The following LAMC2 variants were observed in gnomAD, a reference collection of about 807,000 sequenced individuals.
LAMC2 encodes laminin subunit gamma-2.
A neutral mutation model predicts 140.2 loss-of-function variants in LAMC2; 97 were observed. The ratio of observed to expected loss-of-function variants is 0.69; its 90% CI spans 0.59 to 0.82. The LOEUF is 0.82. Ranked by LOEUF, LAMC2 falls within the 40% of genes least tolerant of loss-of-function variation. LAMC2 has a pLI of 0.00. For synonymous variants in LAMC2, 513 were observed against 540.2 expected, an observed-to-expected ratio of 0.95 and a Z score of 0.70; for missense variants, 1,402 against 1,476.1, an observed-to-expected ratio of 0.95 and a Z score of 0.82.
chr1:183,257,068 C>G, the LAMC2 span, among the ~76,000 whole-genome samples: 4 of 151,898 alleles, frequency 2.6e-5, no homozygotes, highest in Non-Finnish European at 5.9e-5. Context: ...GTGTCTTTAT[C>G]TGGCTTAGGT....
chr1:183,187,798 A>G (rs1442302955), intron 1 of LAMC2, among the ~76,000 whole-genome samples: 2 of 152,238 alleles, frequency 1.3e-5, no homozygotes, highest in Non-Finnish European at 2.9e-5. Flanking sequence ...TCTTGATTTG[A>G]AAAATGAGAA....
chr1:183,235,994 A>C (rs1315690319), intron 16 of LAMC2, among the ~76,000 whole-genome samples: 1 of 152,196 alleles, frequency 6.6e-6, no homozygotes, highest in Non-Finnish European at 1.5e-5. Flanking sequence ...CTGGTGTTTG[A>C]AGGGTGTGAA....
intron 22 of LAMC2, chr1:183,241,245 C>CAAAAAAAAAAAAAAAAAAGAAAAA (rs11318188): frequency 1.4e-6 from 1 of 704,470 alleles, no homozygotes; most frequent in Non-Finnish European, 1.7e-6. Flanking sequence ...AAGACTGTCT[C>CAAAAAAAAAAAAAAAAAAGAAAAA]AAAAAAAAAA....
chr1:183,224,274 A>G (rs1659561760), intron 7 of LAMC2, among the ~76,000 whole-genome samples: 2 of 152,108 alleles, frequency 1.3e-5, no homozygotes, highest in African/African-American at 4.8e-5. Context: ...ATAGGGGAGA[A>G]CTGGCAAGCA....
chr1:183,232,961 T>C, intron 14 of LAMC2, 104 bp downstream of exon 14: 1 of 1,050,224 alleles, frequency 9.5e-7, no homozygotes, highest in Non-Finnish European at 1.5e-6. Flanking sequence ...TCACTTTCTG[T>C]TTCTGATCTA....
At chr1:183,245,183 T>C (rs1660216056), downstream of LAMC2, among the ~76,000 whole-genome samples, 3 of 152,190 alleles carry the variant, frequency 2.0e-5, no homozygotes, top group South Asian at 4.2e-4. Flanking sequence ...ATCTTTTTCA[T>C]CAGCTATAAA....
intron 1 of LAMC2, among the ~76,000 whole-genome samples, chr1:183,201,467 A>G (rs1266375675): frequency 2.6e-5 from 4 of 151,628 alleles, no homozygotes; most frequent in African/African-American, 9.7e-5. Flanking sequence ...CCCTGCTTCC[A>G]CCCTCCCTAA....
chr1:183,239,831 T>G, intron 20 of LAMC2: 2 of 666,276 alleles, frequency 3.0e-6, no homozygotes, highest in Non-Finnish European at 5.2e-6. Flanking sequence ...GTCTGGCCGC[T>G]GACCTTCCTA....
intron 1 of LAMC2, among the ~76,000 whole-genome samples, chr1:183,191,364 A>C (rs1206133112): frequency 1.3e-5 from 2 of 152,208 alleles, no homozygotes; most frequent in African/African-American, 4.8e-5. Context: ...CTGGCCCAAG[A>C]AGCTGAGAAA....
In LAMC2 at chr1:183,226,981, G is replaced by A. The variant is rs536029441; in HGVS notation, c.1285+65G>A. The stretch of plus-strand genomic sequence containing the variant: ...ATGTGGAAGAGAGAGAGCTGTGTAA[G>A]AAAGACCATGGCTGAACTCACATCA... On this transcript the variant is annotated intron_variant, in intron 9 of 22. Transcript: ENST00000264144. The A allele has an allele frequency of 5.5e-6, 7 of 1,277,418 alleles. No homozygotes were observed. The African/African-American group carries it at 7.3e-5, about 13-fold the overall frequency. 79.1% of individuals were successfully genotyped at this position (1,277,418 alleles called of 1,614,324 possible).
intron 1 of LAMC2, among the ~76,000 whole-genome samples, chr1:183,197,579 G>C (rs1396782615): frequency 6.6e-6 from 1 of 152,118 alleles, no homozygotes; most frequent in African/African-American, 2.4e-5. Flanking sequence ...GGGAGGCTGA[G>C]GCAGGAGAAT....
intron 12 of LAMC2, among the ~76,000 whole-genome samples, chr1:183,231,741 C>G (rs951347467): frequency 1.3e-5 from 2 of 152,202 alleles, no homozygotes; most frequent in African/African-American, 4.8e-5. Flanking sequence ...AAGGCCCAAA[C>G]AGAACTCCAA....
intron 9 of LAMC2, among the ~76,000 whole-genome samples, 154 bp downstream of exon 9, chr1:183,227,070 A>G (rs1230055103): frequency 1.3e-5 from 2 of 152,218 alleles, no homozygotes; most frequent in African/African-American, 4.8e-5. Flanking sequence ...GTGCCTTATT[A>G]CACTCAATCC....
the LAMC2 span, chr1:183,252,697 G>A: frequency 6.2e-7 from 1 of 1,614,076 alleles, no homozygotes; most frequent in Non-Finnish European, 8.5e-7. Flanking sequence ...ATGACCGGCT[G>A]GGACAGGTAA....
At chr1:183,247,391 A>G (rs1193316841), downstream of LAMC2, among the ~76,000 whole-genome samples, 1 of 152,204 alleles carries the variant, frequency 6.6e-6, no homozygotes, top group Non-Finnish European at 1.5e-5. Flanking sequence ...ACAAGGAAAA[A>G]AAGGCAGTGT....
In LAMC2 at chr1:183,236,611, G is replaced by A. The variant is rs1571539505; in HGVS notation, c.2601+7G>A. On this transcript the variant is annotated splice_region_variant and intron_variant, in intron 17 of 22. Coordinates refer to ENST00000264144, the MANE Select transcript of LAMC2 (RefSeq NM_005562.3). ...CAGTGATCAGTCCTTTCAGGTGAGGGCATCTGGCCTGTGTGCTTGATATAC... is the reference window on the plus strand; with the variant it reads ...CAGTGATCAGTCCTTTCAGGTGAGGACATCTGGCCTGTGTGCTTGATATAC... The A allele has an allele frequency of 1.9e-6, 3 of 1,614,020 alleles. No homozygotes were observed. Among genetic ancestry groups the A allele is most frequent in the African/African-American group, 1.3e-5 (1 of 75,018 alleles).
chr1:183,246,147 G>T (rs940086613), downstream of LAMC2, among the ~76,000 whole-genome samples: 1 of 148,462 alleles, frequency 6.7e-6, no homozygotes, highest in Non-Finnish European at 1.5e-5. Context: ...TCCAGCCAGG[G>T]TGACAGAGCA....
intron 1 of LAMC2, among the ~76,000 whole-genome samples, chr1:183,192,649 A>G (rs879757493): frequency 6.6e-5 from 10 of 150,692 alleles, no homozygotes; most frequent in Non-Finnish European, 1.5e-4. Flanking sequence ...GACCAAGGCC[A>G]GATTTCAGTT....
chr1:183,211,007 T>C (rs542036783), intron 2 of LAMC2, among the ~76,000 whole-genome samples: 5 of 152,370 alleles, frequency 3.3e-5, no homozygotes, highest in African/African-American at 1.2e-4. Context: ...AAATCTGTTG[T>C]ATATTCCATT....
Sources: gnomAD v4.1 joint callset for allele counts (sites outside exome capture counted in the v4.1 genomes callset) on GRCh38, gnomAD v4.1.1 for gene constraint, MANE v1.5 for transcripts, NCBI Gene and HGNC (gene_info 2026-07-23, HGNC 2026-07-21) for gene names.